The following HYDIN variants were observed in gnomAD, a reference collection of about 807,000 sequenced individuals.
HYDIN encodes the protein axonemal central pair apparatus protein HYDIN.
HYDIN carries 132 observed loss-of-function variants against 403.9 expected under a neutral mutation model. The observed-to-expected ratio is 0.33, with a 90% CI of 0.28 to 0.38. The LOEUF is 0.38. HYDIN is among the 10% of genes least tolerant of loss of function. The pLI, the probability that HYDIN is intolerant of heterozygous loss-of-function variation, is 1.00. For synonymous variants in HYDIN, 1,202 were observed against 1,891.7 expected (o/e 0.64, Z 9.46); for missense variants, 2,827 against 5,009.5 (o/e 0.56, Z 13.15).
intron 8 of HYDIN, among the ~76,000 whole-genome samples, chr16:71,134,802 T>C (rs1041880676): frequency 1.3e-5 from 2 of 152,220 alleles, no homozygotes; most frequent in African/African-American, 2.4e-5. Context: ...AGGAAAGTTG[T>C]TTGCTTTCTT....
intron 18 of HYDIN, among the ~76,000 whole-genome samples, chr16:71,043,256 A>G (rs998388807): frequency 1.0e-4 from 15 of 148,504 alleles, no homozygotes; most frequent in Non-Finnish European, 1.8e-4. Context: ...GAACTTAGTT[A>G]TGGTGTGCCT....
At chr16:71,215,521 A>G (rs949188681) in intron 1 of HYDIN, among the ~76,000 whole-genome samples, 4 of 152,068 alleles carry the variant, frequency 2.6e-5, no homozygotes, top group African/African-American at 9.7e-5. Flanking sequence ...ATTATAATCA[A>G]TCAATCTGGC....
intron 50 of HYDIN, 44 bp from the exon 51 acceptor site, chr16:70,904,108 G>A (rs759418346): frequency 1.3e-6 from 2 of 1,533,754 alleles, no homozygotes; most frequent in Non-Finnish European, 1.8e-6. Context: ...AAGACTGAAT[G>A]AGAATGCAGG....
At chr16:70,847,751 A>G (rs561271491) in intron 75 of HYDIN, among the ~76,000 whole-genome samples, 152 of 152,054 alleles carry the variant, frequency 1.0e-3, no homozygotes, top group Middle Eastern at 3.4e-3. Flanking sequence ...TTTGGTAATG[A>G]TGTGTCTAGG....
chr16:70,964,971 T>C (rs1305438129), intron 36 of HYDIN, 75 bp from the exon 37 acceptor site: 1 of 822,726 alleles, frequency 1.2e-6, no homozygotes, highest in African/African-American at 1.6e-5. Flanking sequence ...GTCTGCTCAC[T>C]GATTTTATAA....
At chr16:71,130,471 T>G (rs1013786337) in intron 8 of HYDIN, among the ~76,000 whole-genome samples, 3 of 37,078 alleles carry the variant, frequency 8.1e-5, no homozygotes, top group Admixed American at 4.2e-4. Flanking sequence ...TATATACCGG[T>G]TTTTTTTTTT....
chr16:70,900,858 T>C (rs1203332010), intron 53 of HYDIN, 146 bp downstream of exon 53: 13 of 318,266 alleles, frequency 4.1e-5, no homozygotes, highest in Non-Finnish European at 6.7e-5. Context: ...CAGCAAGAGA[T>C]TGTGGACTGG....
At chr16:71,027,206 C>T in intron 20 of HYDIN, 1 of 1,110,290 alleles carries the variant, frequency 9.0e-7, no homozygotes, top group Non-Finnish European at 1.1e-6. Context: ...CAGGGATGTC[C>T]CAATACCTGA....
chr16:71,081,753 A>G (rs1178720389), intron 12 of HYDIN, among the ~76,000 whole-genome samples: 1 of 150,764 alleles, frequency 6.6e-6, no homozygotes, highest in Non-Finnish European at 1.5e-5. Context: ...GCTGTGTCAT[A>G]AATCAGTGCA....
At chr16:71,126,141 CCA>C (rs1416859630) in intron 9 of HYDIN, among the ~76,000 whole-genome samples, 1 of 152,184 alleles carries the variant, frequency 6.6e-6, no homozygotes, top group Non-Finnish European at 1.5e-5. Context: ...CCCCCTAGAT[CCA>C]GTGTTTCTGC....
At chr16:71,203,257 G>C (rs570004954) in intron 1 of HYDIN, among the ~76,000 whole-genome samples, 61 of 152,252 alleles carry the variant, frequency 4.0e-4, no homozygotes, top group Non-Finnish European at 8.4e-4. Context: ...TTCATCTTTT[G>C]ATCCTGTGAA....
intron 23 of HYDIN, among the ~76,000 whole-genome samples, chr16:71,017,081 T>A: frequency 6.6e-6 from 1 of 151,956 alleles, no homozygotes; most frequent in Non-Finnish European, 1.5e-5. Context: ...GGCCCACACC[T>A]GTAATCCCAG....
intron 1 of HYDIN, among the ~76,000 whole-genome samples, chr16:71,188,362 A>G (rs560163656): frequency 1.3e-5 from 2 of 152,278 alleles, no homozygotes; most frequent in African/African-American, 4.8e-5. Flanking sequence ...CATATCTTCT[A>G]GGCGCATGAG....
chr16:70,944,368 T>C (rs2077782760), intron 41 of HYDIN, among the ~76,000 whole-genome samples: 1 of 152,164 alleles, frequency 6.6e-6, no homozygotes, highest in Non-Finnish European at 1.5e-5. Flanking sequence ...CAGAAAGTGA[T>C]GAGTGCTAGG....
intron 35 of HYDIN, among the ~76,000 whole-genome samples, chr16:70,971,242 G>A (rs1160790372): frequency 1.3e-5 from 2 of 152,258 alleles, no homozygotes; most frequent in Non-Finnish European, 2.9e-5. Context: ...AAAGACCCCA[G>A]CTCCCTTGCT....
intron 12 of HYDIN, chr16:71,080,490 C>T (rs1296536481): frequency 6.7e-6 from 1 of 148,204 alleles, no homozygotes; most frequent in Non-Finnish European, 1.5e-5. Context: ...GTTTCTCTTC[C>T]TCGTGTATAA....
intron 12 of HYDIN, among the ~76,000 whole-genome samples, chr16:71,081,601 G>A (rs1380318084): frequency 2.0e-5 from 3 of 151,330 alleles, no homozygotes; most frequent in Admixed American, 1.3e-4. Flanking sequence ...CAATGCAGAA[G>A]TTTAAACAAC....
At chr16:70,943,340 C>T (rs1027438569) in intron 42 of HYDIN, among the ~76,000 whole-genome samples, 1 of 152,094 alleles carries the variant, frequency 6.6e-6, no homozygotes, top group African/African-American at 2.4e-5. Context: ...TCCTGCTACC[C>T]AAAGATAACA....
At chr16:71,196,397 C>T (rs915818892) in intron 1 of HYDIN, among the ~76,000 whole-genome samples, 6 of 152,090 alleles carry the variant, frequency 3.9e-5, no homozygotes, top group Non-Finnish European at 7.4e-5. Flanking sequence ...ATTTACCCTC[C>T]CTGCCTGACT....
Sources: allele counts gnomAD v4.1 joint callset (sites outside exome capture counted in the v4.1 genomes callset), GRCh38; gene constraint gnomAD v4.1.1; transcripts MANE v1.5; gene names NCBI Gene and HGNC (gene_info 2026-07-23, HGNC 2026-07-21).